Variants in KIAA2012 observed in about 807,000 individuals in gnomAD.
KIAA2012 encodes the protein KIAA2012, also known as uncharacterized protein KIAA2012.
In KIAA2012, 125 loss-of-function variants were observed where a neutral mutation model predicts 150.6. The observed-to-expected ratio is 0.83, with a 90% CI of 0.72 to 0.96. The LOEUF is 0.96. Among genes scored for constraint, KIAA2012 ranks in the 40% least tolerant of loss-of-function variants. The pLI, the probability that KIAA2012 is intolerant of heterozygous loss-of-function variation, is 0.00. For missense variants in KIAA2012, 1,219 were observed against 1,354.9 expected, an observed-to-expected ratio of 0.90 and a Z score of 1.57; for synonymous variants, 462 against 504.7, an observed-to-expected ratio of 0.92 and a Z score of 1.13.
chr2:202,180,408 A>G (rs1277704046), intron 15 of KIAA2012, among the ~76,000 whole-genome samples: 2 of 152,198 alleles, frequency 1.3e-5, no homozygotes, highest in Non-Finnish European at 2.9e-5. Flanking sequence ...GTATTTCTAC[A>G]TGGCTTAAAT....
At chr2:202,131,583 A>G (rs1304484793) in intron 12 of KIAA2012, among the ~76,000 whole-genome samples, 3 of 152,250 alleles carry the variant, frequency 2.0e-5, no homozygotes, top group Non-Finnish European at 4.4e-5. Context: ...AGTAGTCCAC[A>G]GGGGTGGAAT....
intron 13 of KIAA2012, among the ~76,000 whole-genome samples, chr2:202,141,106 G>A (rs17477528): frequency 0.13 from 19,739 of 152,164 alleles, 1,646 homozygotes; most frequent in Non-Finnish European, 0.17. Context: ...GGGTGACGGC[G>A]TTCCCTGGGC....
At chr2:202,090,195 T>C (rs549339705) in intron 2 of KIAA2012, among the ~76,000 whole-genome samples, 31 of 152,360 alleles carry the variant, frequency 2.0e-4, no homozygotes, top group African/African-American at 6.7e-4. Context: ...TCCTAGTCAA[T>C]TGTAAGATGT....
chr2:202,086,213 C>A (rs1380273523), intron 2 of KIAA2012, among the ~76,000 whole-genome samples: 1 of 148,454 alleles, frequency 6.7e-6, no homozygotes, highest in Non-Finnish European at 1.5e-5. Context: ...AAAGAAATGC[C>A]CACTAATGAG....
chr2:202,182,402 A>G (rs1022591161), intron 15 of KIAA2012, among the ~76,000 whole-genome samples: 2 of 151,836 alleles, frequency 1.3e-5, no homozygotes, highest in Admixed American at 1.3e-4. Context: ...ATGAGCCCCC[A>G]CACCCAGCCA....
chr2:202,075,846 T>C (rs958830243), intron 2 of KIAA2012, among the ~76,000 whole-genome samples: 2 of 152,236 alleles, frequency 1.3e-5, no homozygotes, highest in Non-Finnish European at 2.9e-5. Flanking sequence ...ACTCCCTAAT[T>C]TAAAAGTGTT....
chr2:202,148,526 A>C (rs916220011), intron 13 of KIAA2012, among the ~76,000 whole-genome samples: 3 of 152,198 alleles, frequency 2.0e-5, no homozygotes, highest in Admixed American at 6.5e-5. Context: ...AATTCCCTGC[A>C]GAATGTAAAA....
Position 202,093,073 on chromosome 2 carries a change from T to C in KIAA2012, c.573T>C (p.Asn191=), listed in dbSNP as rs1449353427. Residue 191 remains asparagine, a synonymous_variant, in exon 4 of 24, where the codon AAT becomes AAC. Coordinates refer to ENST00000498697, the MANE Select transcript of KIAA2012 (RefSeq NM_001277372.4). ...TGCTACTCCAGGACAGTCAACTTAA[T>C]GTACCAAAGAAGCTCAGGCCACAAC... ...DSVLLQDSQL[N]VPKKLRPQQD... is the part of the protein sequence containing the mutation. 1.3e-6 allele frequency: 2 copies of C among 1,550,728 alleles called. No individual in the cohort carries two copies. The highest frequency in any genetic ancestry group is 1.2e-5 in the South Asian group (1 of 84,052).
intron 12 of KIAA2012, among the ~76,000 whole-genome samples, chr2:202,127,370 G>C (rs1690819157): frequency 6.6e-6 from 1 of 152,186 alleles, no homozygotes; most frequent in African/African-American, 2.4e-5. Context: ...TATTTAATCA[G>C]ATAGTTGCTC....
Position 202,158,153 on chromosome 2 carries a change from C to A in KIAA2012, c.2046+3343C>A, listed in dbSNP as rs1017804611. ...GGGACTACAGGCGCCCGCCACCATG[C>A]CAGGCTAATTTTTTGTATTTTTAGT... On this transcript the variant is annotated intron_variant, in intron 14 of 23. Transcript: ENST00000498697. 4.6e-5 allele frequency among the ~76,000 whole-genome samples: 7 copies of A among 152,296 alleles called. No homozygotes were observed. In the East Asian group the frequency reaches 9.6e-4, roughly 21 times the overall value.
rs189752391 is a variant in KIAA2012 at position 202,201,187 on chromosome 2, C to G, written c.3408-1242C>G. On this transcript the variant is annotated intron_variant, in intron 22 of 23. Transcript: ENST00000498697. ...ATACCTCCCTTACCTCAAAATGCTT[C>G]AGAGAGTTACTGCTACCATTACATG... 6.6e-4 allele frequency among the ~76,000 whole-genome samples: 100 copies of G among 152,254 alleles called. 1 individual carries two copies. Among genetic ancestry groups the G allele is most frequent in the Admixed American group, 2.2e-3 (34 of 15,288 alleles).
chr2:202,152,809 G>T (rs1691454956), intron 13 of KIAA2012, among the ~76,000 whole-genome samples: 1 of 152,040 alleles, frequency 6.6e-6, no homozygotes, highest in African/African-American at 2.4e-5. Context: ...CTGTTTGTGG[G>T]GACTCACCAA....
At chr2:202,101,441 G>A (rs1559204264) in intron 7 of KIAA2012, among the ~76,000 whole-genome samples, 1 of 152,312 alleles carries the variant, frequency 6.6e-6, no homozygotes, top group East Asian at 1.9e-4. Context: ...CTCACCACAG[G>A]CCCAAGGAAA....
At position 202,075,118 on chromosome 2, in the gene KIAA2012, T is replaced by C; in HGVS notation, c.312T>C (p.Leu104=). 1 of 1,550,386 alleles carries C rather than the reference T, an allele frequency of 6.5e-7. No individual in the cohort carries two copies. Among genetic ancestry groups the C allele is most frequent in the Non-Finnish European group, 8.7e-7 (1 of 1,146,966 alleles). The change falls in exon 2 of 24, where the codon CTT becomes CTC. Residue 104 remains leucine (L), a synonymous_variant. Transcript: ENST00000498697. ...CPRGPWRKLD[L]ELHTLQDLKE... ...GAGGTCCCTGGAGGAAGCTGGATCT[T>C]GAACTGCACACACTTCAAGACCTCA...
chr2:202,194,946 T>A (rs1247423772), intron 21 of KIAA2012, among the ~76,000 whole-genome samples: 2 of 151,836 alleles, frequency 1.3e-5, no homozygotes, highest in Non-Finnish European at 2.9e-5. Context: ...TTTTTTGTAT[T>A]TTTAGTAAAG....
At chr2:202,120,497 T>C (rs1178337188) in intron 11 of KIAA2012, among the ~76,000 whole-genome samples, 1 of 152,190 alleles carries the variant, frequency 6.6e-6, no homozygotes, top group Admixed American at 6.5e-5. Context: ...CAGATCTTCC[T>C]TCATCCAGTG....
chr2:202,105,940 G>A (rs756900167), intron 9 of KIAA2012, 30 bp downstream of exon 9: 52 of 1,550,636 alleles, frequency 3.4e-5, no homozygotes, highest in Middle Eastern at 3.3e-4. Flanking sequence ...AGCATCCCTC[G>A]GGAACCTCAC....
At chr2:202,147,830 T>C (rs1307355930) in intron 13 of KIAA2012, among the ~76,000 whole-genome samples, 1 of 152,096 alleles carries the variant, frequency 6.6e-6, no homozygotes, top group Non-Finnish European at 1.5e-5. Flanking sequence ...TGGGGAGTTG[T>C]TCAGATTTCC....
At chr2:202,093,843 T>G (rs893693153) in intron 4 of KIAA2012, among the ~76,000 whole-genome samples, 1 of 152,156 alleles carries the variant, frequency 6.6e-6, no homozygotes. Flanking sequence ...CCCAATATTA[T>G]TCTATGGAAC....
Sources: gnomAD v4.1 joint callset for allele counts (sites outside exome capture counted in the v4.1 genomes callset) on GRCh38, gnomAD v4.1.1 for gene constraint, MANE v1.5 for transcripts, NCBI Gene and HGNC (gene_info 2026-07-23, HGNC 2026-07-21) for gene names.